STX18: variants seen among roughly 807,000 people sequenced by gnomAD.
STX18 encodes syntaxin 18, also known as syntaxin-18.
In STX18, 40 loss-of-function variants were observed where a neutral mutation model predicts 50.1. The ratio of observed to expected loss-of-function variants is 0.80; its 90% confidence interval spans 0.62 to 1.04. The LOEUF (loss-of-function observed/expected upper bound fraction) is 1.04. Among genes scored for constraint, STX18 ranks in the 50% least tolerant of loss-of-function variants. The pLI is 0.00. For synonymous variants in STX18, 158 were observed against 151.8 expected (o/e 1.04, Z -0.30); for missense variants, 410 against 415.8 (o/e 0.99, Z 0.12).
chr4:4,487,764 C>T lies in STX18; in HGVS notation c.169-16058G>A, dbSNP rs536416853. The stretch of plus-strand genomic sequence containing the variant: ...GCAAAAAAATGTATTTATACCCCAA[C>T]ATAATACATCCCACATCCCAGGAAT... On this transcript the variant is annotated intron_variant, in intron 1 of 10. Coordinates refer to ENST00000306200, the MANE Select transcript of STX18 (RefSeq NM_016930.4). Among the ~76,000 whole-genome samples the T allele has an allele frequency of 2.8e-4, 42 of 152,322 alleles. 3 individuals are homozygous for T. Among genetic ancestry groups the T allele is most frequent in the East Asian group, 2.7e-3 (14 of 5,190 alleles).
At chr4:4,449,914 G>A (rs953456620) in intron 5 of STX18, among the ~76,000 whole-genome samples, 8 of 152,168 alleles carry the variant, frequency 5.3e-5, no homozygotes, top group African/African-American at 1.9e-4. Flanking sequence ...TCAAATTGAT[G>A]GCTGTGTCCT....
rs76236996 is a variant in STX18 at position 4,475,170 on chromosome 4, A to T, written c.169-3464T>A. Among the ~76,000 whole-genome samples the T allele has an allele frequency of 4.0e-3, 605 of 152,334 alleles. 19 individuals carry two copies. The East Asian group carries it at 0.1, about 26-fold the overall frequency. Reference sequence around the variant, plus strand: ...AGAGGCCCACAAGCACATAATTATTATACAAGAGGTTGCAGTTAGTCTAAC... The same window carrying T: ...AGAGGCCCACAAGCACATAATTATTTTACAAGAGGTTGCAGTTAGTCTAAC... On this transcript the variant is annotated intron_variant, in intron 1 of 10. Transcript: ENST00000306200.
intron 7 of STX18, among the ~76,000 whole-genome samples, chr4:4,430,934 C>G (rs1725486046): frequency 2.0e-5 from 3 of 152,168 alleles, no homozygotes; most frequent in Admixed American, 2.0e-4. Context: ...TGTCTAGTCC[C>G]AAAGCCTATG....
chr4:4,431,926 C>T (rs990691072), intron 7 of STX18, among the ~76,000 whole-genome samples: 1 of 152,182 alleles, frequency 6.6e-6, no homozygotes, highest in Non-Finnish European at 1.5e-5. Flanking sequence ...CCTCTAACCA[C>T]CGACTATACA....
intron 2 of STX18, among the ~76,000 whole-genome samples, chr4:4,471,347 CA>C (rs1189595825): frequency 2.6e-5 from 4 of 152,130 alleles, no homozygotes; most frequent in Admixed American, 6.6e-5. Flanking sequence ...CATGTGTCCC[CA>C]ACTTCAAATA....
rs780871893 is a variant in STX18 at position 4,471,703 on chromosome 4, A to C, written c.172T>G (p.Ser58Ala). The C allele has an allele frequency of 6.3e-7, 1 of 1,581,612 alleles. No individual in the cohort carries two copies. The highest frequency in any genetic ancestry group is 1.2e-5 in the South Asian group (1 of 84,716). The change falls in exon 2 of 11, where the codon TCT (serine) becomes GCT (alanine). Residue 58 changes from serine to alanine, a missense_variant. By Grantham distance (99) the Ser-to-Ala change is moderately conservative (BLOSUM62 1). Transcript: ENST00000306200. ...DFSSRAREVI[S>A]HIGKLRDFLL... ...AAATCTCTCAGTTTGCCAATGTGAG[A>C]AATCTAAAATTAAAAAAGAAAGCCA...
At chr4:4,483,713 T>A (rs567397794) in intron 1 of STX18, among the ~76,000 whole-genome samples, 2 of 152,308 alleles carry the variant, frequency 1.3e-5, no homozygotes, top group African/African-American at 4.8e-5. Flanking sequence ...AGCAGCATGA[T>A]AGGGCACCCA....
At chr4:4,421,468 T>C (rs183797035) in intron 9 of STX18, among the ~76,000 whole-genome samples, 2 of 152,304 alleles carry the variant, frequency 1.3e-5, no homozygotes, top group Non-Finnish European at 2.9e-5. Flanking sequence ...TTGCCCAGGC[T>C]GGTCTTGAAC....
chr4:4,472,359 AGTG>A (rs1181365909), intron 1 of STX18, among the ~76,000 whole-genome samples: 1 of 152,212 alleles, frequency 6.6e-6, no homozygotes, highest in African/African-American at 2.4e-5. Flanking sequence ...ATAAATAAAA[AGTG>A]GTGGGAAGAA....
At chr4:4,491,055 T>C (rs1728917282) in intron 1 of STX18, among the ~76,000 whole-genome samples, 1 of 152,086 alleles carries the variant, frequency 6.6e-6, no homozygotes, top group South Asian at 2.1e-4. Flanking sequence ...TTACTTTTGT[T>C]GTTCAAACAT....
At chr4:4,514,309 A>G (rs1400767614) in intron 1 of STX18, among the ~76,000 whole-genome samples, 1 of 152,244 alleles carries the variant, frequency 6.6e-6, no homozygotes, top group Non-Finnish European at 1.5e-5. Context: ...TGTTAAGCAC[A>G]GCAACAGATA....
intron 2 of STX18, among the ~76,000 whole-genome samples, chr4:4,469,319 C>T (rs1196092519): frequency 2.0e-5 from 3 of 152,126 alleles, no homozygotes; most frequent in Non-Finnish European, 4.4e-5. Flanking sequence ...GTGACAGAAA[C>T]CATATGTGGC....
chr4:4,522,982 C>T (rs1051598439), intron 1 of STX18, among the ~76,000 whole-genome samples: 3 of 152,222 alleles, frequency 2.0e-5, no homozygotes, highest in African/African-American at 7.2e-5. Context: ...ATCAAACATT[C>T]TATAGCACTT....
At chr4:4,526,384 G>A (rs145044356) in intron 1 of STX18, among the ~76,000 whole-genome samples, 2,770 of 152,250 alleles carry the variant, frequency 0.018, 43 homozygotes, top group South Asian at 0.033. Context: ...ATCTTCTTGG[G>A]CTTGGTAATT....
chr4:4,420,794 G>A lies in STX18; in HGVS notation c.912+70C>T, dbSNP rs1024383929. On this transcript the variant is annotated intron_variant, in intron 10 of 10. Coordinates refer to ENST00000306200, the MANE Select transcript of STX18 (RefSeq NM_016930.4). The surrounding 1 kb of genome is among the most constrained non-coding windows in gnomAD (Gnocchi z 4.3). ...AAGGCTCCTGGGCAGCTGTGCCGGC[G>A]AGACTAACACCCGCTGCTGGGACTC... 25 of 1,408,920 alleles carry A rather than the reference G, an allele frequency of 1.8e-5. No homozygotes were observed. The highest frequency in any genetic ancestry group is 2.1e-5 in the Non-Finnish European group (21 of 995,748). The allele number at this position is 1,408,920 out of a possible 1,614,324, so 87.3% of individuals were successfully genotyped here. A position where few individuals can be genotyped will look rare whatever the true frequency, so the allele number is the denominator to read the frequency against.
chr4:4,500,817 C>T (rs1729416477), intron 1 of STX18, among the ~76,000 whole-genome samples: 1 of 152,138 alleles, frequency 6.6e-6, no homozygotes, highest in African/African-American at 2.4e-5. Flanking sequence ...GGGTGGATCA[C>T]CTGAGGTCAG....
intron 1 of STX18, among the ~76,000 whole-genome samples, chr4:4,525,660 T>TA (rs1730716218): frequency 6.6e-6 from 1 of 152,092 alleles, no homozygotes; most frequent in South Asian, 2.1e-4. Context: ...AGCATGAAAA[T>TA]AGAGTCCTGC....
chr4:4,537,024 G>T (rs768488011), intron 1 of STX18, among the ~76,000 whole-genome samples: 13 of 152,222 alleles, frequency 8.5e-5, no homozygotes, highest in Non-Finnish European at 1.5e-4. Context: ...TAGAACATGG[G>T]TTCCTGCTTT....
intron 1 of STX18, among the ~76,000 whole-genome samples, chr4:4,491,936 G>A (rs1728960627): frequency 1.3e-5 from 2 of 151,976 alleles, no homozygotes; most frequent in Admixed American, 6.6e-5. Context: ...GTCACACTCC[G>A]GTTACCCAGC....
Sources: gnomAD v4.1 joint callset for allele counts (sites outside exome capture counted in the v4.1 genomes callset) on GRCh38, gnomAD v4.1.1 for gene constraint, Gnocchi (gnomAD v3.1) non-coding constraint, MANE v1.5 for transcripts, NCBI Gene and HGNC (gene_info 2026-07-23, HGNC 2026-07-21) for gene names.